Variants in LMBR1 observed in about 807,000 individuals in gnomAD.
LMBR1 encodes the protein limb development membrane protein 1, also known as limb region 1 protein homolog.
A neutral mutation model predicts 73.9 loss-of-function variants in LMBR1; 52 were observed. The ratio of observed to expected loss-of-function variants is 0.70; its 90% CI spans 0.56 to 0.89. LMBR1 has a LOEUF of 0.89. Among genes scored for constraint, LMBR1 ranks in the 40% least tolerant of loss-of-function variants. The probability of loss-of-function intolerance (pLI) is 0.00; values close to 1 mark genes in which losing one functional copy is unlikely to be tolerated. For missense variants in LMBR1, 539 were observed against 579.8 expected, an observed-to-expected ratio of 0.93 and a Z score of 0.72; for synonymous variants, 215 against 209.4, an observed-to-expected ratio of 1.03 and a Z score of -0.23.
chr7:156,748,404 C>T (rs1171082599), intron 9 of LMBR1, among the ~76,000 whole-genome samples: 1 of 152,026 alleles, frequency 6.6e-6, no homozygotes, highest in African/African-American at 2.4e-5. Context: ...ATATAAGCTA[C>T]TATTGGGAAT....
chr7:156,875,926 G>T (rs936145647), intron 1 of LMBR1, among the ~76,000 whole-genome samples: 3 of 150,144 alleles, frequency 2.0e-5, no homozygotes, highest in African/African-American at 7.4e-5. Flanking sequence ...AAAAAACAAG[G>T]TATATAGGCA....
intron 15 of LMBR1, among the ~76,000 whole-genome samples, chr7:156,693,154 A>C (rs908320703): frequency 1.4e-4 from 21 of 152,174 alleles, no homozygotes; most frequent in African/African-American, 5.1e-4. Flanking sequence ...AGAGTCCCTG[A>C]AGGAGAAGAG....
chr7:156,791,464 A>C (rs1829216432), intron 5 of LMBR1, among the ~76,000 whole-genome samples: 1 of 152,232 alleles, frequency 6.6e-6, no homozygotes, highest in Admixed American at 6.5e-5. Flanking sequence ...TCATCTGGTC[A>C]TAAAATACAG....
rs1329730258 is a variant in LMBR1, at chr7:156,679,001, GA to G, written c.*5076del. The G allele has an allele frequency of 2.0e-5, 3 of 152,128 alleles. No homozygotes were observed. Among genetic ancestry groups the G allele is most frequent in the Non-Finnish European group, 4.4e-5 (3 of 68,036 alleles). 9.4% of individuals were successfully genotyped at this position (152,128 alleles called of 1,614,324 possible). A position where few individuals can be genotyped will look rare whatever the true frequency, so the allele number is the denominator to read the frequency against. ...ATGAATCTTTATCAACCAGATAATA[GA>G]ACTGTAAGGTACATGAATGAACAAG... is the stretch of plus-strand genomic sequence containing the variant. On this transcript the variant is annotated 3_prime_UTR_variant, in exon 17 of 17. Coordinates refer to ENST00000353442, the MANE Select transcript of LMBR1 (RefSeq NM_022458.4).
intron 3 of LMBR1, among the ~76,000 whole-genome samples, chr7:156,830,881 C>G (rs1836560105): frequency 6.6e-6 from 1 of 152,210 alleles, no homozygotes; most frequent in Non-Finnish European, 1.5e-5. Context: ...GTGCTAGGCA[C>G]TTGAGAACAG....
intron 9 of LMBR1, among the ~76,000 whole-genome samples, chr7:156,739,450 C>G (rs1002859124): frequency 1.2e-4 from 19 of 152,220 alleles, no homozygotes; most frequent in Admixed American, 1.0e-3. Context: ...TGAGAGAACA[C>G]AGGCAGTAGC....
intron 5 of LMBR1, among the ~76,000 whole-genome samples, chr7:156,775,095 C>T (rs772301931): frequency 1.3e-5 from 2 of 151,806 alleles, no homozygotes; most frequent in African/African-American, 2.4e-5. Context: ...AAGACAAGCA[C>T]GGTGGCTCAC....
rs35976164 is a variant in LMBR1, at chr7:156,762,846, AGTGTGT to A, written c.619+256_619+261del. Among the ~76,000 whole-genome samples the A allele has an allele frequency of 1.9e-3, 279 of 148,624 alleles. 1 individual carries two copies. Among genetic ancestry groups the A allele is most frequent in the African/African-American group, 5.9e-3 (238 of 40,464 alleles). Reference sequence around the variant, plus strand: ...GAGTGTGTGAAAGTGTGTGAGTGTGAGTGTGTGTGTGTGTGTGTGTGTGTGTCTGTC... The same window carrying A: ...GAGTGTGTGAAAGTGTGTGAGTGTGAGTGTGTGTGTGTGTGTGTGTCTGTC... On this transcript the variant is annotated intron_variant, in intron 7 of 16. Transcript: ENST00000353442.
At chr7:156,852,400 T>C (rs1179810730) in intron 1 of LMBR1, among the ~76,000 whole-genome samples, 1 of 152,246 alleles carries the variant, frequency 6.6e-6, no homozygotes. Context: ...AATACTTGGA[T>C]AGGAGCCTTA....
rs1367151638 is a variant in LMBR1 at position 156,682,632 on chromosome 7, T to TCA, written c.*1444_*1445dup. Reference sequence around the variant, plus strand: ...ACGTATAAATAAGGGGGAAGTGTACTCAACAAAGGTTGTAAATATACAGAT... The same window carrying TCA: ...ACGTATAAATAAGGGGGAAGTGTACTCACAACAAAGGTTGTAAATATACAGAT... On this transcript the variant is annotated 3_prime_UTR_variant, in exon 17 of 17. Transcript: ENST00000353442. 6.6e-6 allele frequency: 1 copy of TCA among 152,220 alleles called. No individual in the cohort carries two copies. Among genetic ancestry groups the TCA allele is most frequent in the African/African-American group, 2.4e-5 (1 of 41,460 alleles). The allele number at this position is 152,220 out of a possible 1,614,324, so 9.4% of individuals were successfully genotyped here. A position where few individuals can be genotyped will look rare whatever the true frequency, so the allele number is the denominator to read the frequency against.
intron 15 of LMBR1, among the ~76,000 whole-genome samples, chr7:156,706,553 C>A (rs961012379): frequency 1.3e-5 from 2 of 152,022 alleles, no homozygotes; most frequent in East Asian, 3.9e-4. Context: ...GCATCAATAT[C>A]ACGAAATCAA....
downstream of LMBR1, among the ~76,000 whole-genome samples, chr7:156,673,323 A>G (rs1212541889): frequency 6.6e-6 from 1 of 152,236 alleles, no homozygotes; most frequent in African/African-American, 2.4e-5. Context: ...CAAAGCATCA[A>G]TTGGAGGTAA....
At chr7:156,827,611 G>A (rs989684791) in intron 3 of LMBR1, among the ~76,000 whole-genome samples, 1 of 151,240 alleles carries the variant, frequency 6.6e-6, no homozygotes, top group Admixed American at 6.6e-5. Context: ...AATTGGCAAA[G>A]GAAAAAAGAA....
chr7:156,777,810 T>C (rs1826423123), intron 5 of LMBR1, among the ~76,000 whole-genome samples: 1 of 152,186 alleles, frequency 6.6e-6, no homozygotes, highest in Non-Finnish European at 1.5e-5. Flanking sequence ...TCCTTCAATA[T>C]CACATACCTG....
intron 15 of LMBR1, among the ~76,000 whole-genome samples, chr7:156,698,368 C>T (rs548131622): frequency 2.0e-5 from 3 of 152,288 alleles, no homozygotes; most frequent in East Asian, 3.9e-4. Flanking sequence ...TAGGCAGTGC[C>T]CCAGTAGGGA....
intron 5 of LMBR1, among the ~76,000 whole-genome samples, chr7:156,787,471 T>TAA (rs34665317): frequency 2.3e-4 from 35 of 152,066 alleles, no homozygotes; most frequent in African/African-American, 8.2e-4. Flanking sequence ...ACCAACTATG[T>TAA]AAAAAAAACT....
chr7:156,887,192 G>A lies in LMBR1; in HGVS notation c.66+5736C>T, dbSNP rs141845822. Among the ~76,000 whole-genome samples the A allele has an allele frequency of 2.1e-3, 326 of 152,296 alleles. 1 individual carries two copies. Among genetic ancestry groups the A allele is most frequent in the Non-Finnish European group, 3.2e-3 (217 of 68,010 alleles). On this transcript the variant is annotated intron_variant, in intron 1 of 16. Transcript: ENST00000353442. The stretch of plus-strand genomic sequence containing the variant: ...TTAAAAGTTAAACACTAGGCTGGGC[G>A]CGGTGGCTCACGCCTGTAATCCCAG...
chr7:156,708,986 C>G (rs1055146722), intron 15 of LMBR1, among the ~76,000 whole-genome samples: 19 of 152,152 alleles, frequency 1.2e-4, no homozygotes, highest in African/African-American at 2.4e-4. Context: ...GAACCACCCC[C>G]CAACAACCAC....
At chr7:156,749,759 G>A (rs188658044) in intron 9 of LMBR1, among the ~76,000 whole-genome samples, 2 of 151,908 alleles carry the variant, frequency 1.3e-5, no homozygotes, top group East Asian at 1.9e-4. Context: ...GCGTGATCTC[G>A]GCTCACTGCA....
Sources: allele counts gnomAD v4.1 joint callset (sites outside exome capture counted in the v4.1 genomes callset), GRCh38; gene constraint gnomAD v4.1.1; transcripts MANE v1.5; gene names NCBI Gene and HGNC (gene_info 2026-07-23, HGNC 2026-07-21).